Variants in LCOR observed in about 807,000 individuals in gnomAD.
LCOR encodes the protein ligand dependent nuclear receptor corepressor, also known as ligand-dependent corepressor.
In LCOR, 14 loss-of-function variants were observed where a neutral mutation model predicts 64.4. The ratio of observed to expected loss-of-function variants is 0.22; its 90% confidence interval spans 0.14 to 0.34. The LOEUF (loss-of-function observed/expected upper bound fraction) is 0.34. Ranked by LOEUF, LCOR falls within the 10% of genes least tolerant of loss-of-function variation. LCOR has a pLI of 1.00. For synonymous variants in LCOR, 643 were observed against 642.5 expected, an observed-to-expected ratio of 1.00 and a Z score of -0.01; for missense variants, 1,686 against 1,765.3, an observed-to-expected ratio of 0.96 and a Z score of 0.80.
intron 2 of LCOR, among the ~76,000 whole-genome samples, chr10:96,869,749 A>G (rs1003475706): frequency 3.4e-4 from 52 of 151,504 alleles, no homozygotes; most frequent in Admixed American, 2.4e-3. Context: ...TATTTTTTGT[A>G]TTTTTAGTAG....
intron 5 of LCOR, among the ~76,000 whole-genome samples, chr10:96,945,679 T>C (rs1221861461): frequency 6.6e-6 from 1 of 152,172 alleles, no homozygotes; most frequent in African/African-American, 2.4e-5. Flanking sequence ...TCTTTACAGC[T>C]CCTCTCCTGA....
chr10:96,876,298 T>C (rs1345241758), intron 2 of LCOR, among the ~76,000 whole-genome samples: 2 of 152,172 alleles, frequency 1.3e-5, no homozygotes, highest in Non-Finnish European at 2.9e-5. Context: ...CCTATTCCCA[T>C]CATGGGGACC....
At chr10:96,889,316 T>C (rs1319740877) in intron 2 of LCOR, among the ~76,000 whole-genome samples, 1 of 152,256 alleles carries the variant, frequency 6.6e-6, no homozygotes, top group Non-Finnish European at 1.5e-5. Context: ...TATTCATTCA[T>C]GTTGTCAGCT....
intron 4 of LCOR, among the ~76,000 whole-genome samples, chr10:96,914,911 A>G (rs1378759287): frequency 6.6e-6 from 1 of 152,204 alleles, no homozygotes; most frequent in Non-Finnish European, 1.5e-5. Context: ...GTAACCAATT[A>G]TTGGGGGTCA....
At chr10:96,849,053 C>T (rs1589603718) in intron 2 of LCOR, among the ~76,000 whole-genome samples, 2 of 80,630 alleles carry the variant, frequency 2.5e-5, no homozygotes, top group Admixed American at 1.4e-4. Flanking sequence ...TGTCACCTGG[C>T]TAATTGTCTT....
rs749676837 is a variant in LCOR, at chr10:96,866,421, C to T, written c.-330+32942C>T. Among the ~76,000 whole-genome samples the T allele has an allele frequency of 6.6e-5, 10 of 152,190 alleles. No homozygotes were observed. The East Asian group carries it at 9.6e-4, about 15-fold the overall frequency. On this transcript the variant is annotated intron_variant, in intron 2 of 7. Coordinates refer to ENST00000421806, the MANE Select transcript of LCOR (RefSeq NM_001346516.2). ...TCCATTCTTTTGCTGATGAGCATTT[C>T]GGTTGTTTGGGGGCTGTTATAAATA...
At chr10:96,975,361 G>A (rs1197244939) in intron 7 of LCOR, among the ~76,000 whole-genome samples, 3 of 151,988 alleles carry the variant, frequency 2.0e-5, no homozygotes, top group African/African-American at 7.2e-5. Context: ...CTCTCAGATC[G>A]AAGGGAAGCT....
chr10:96,913,331 T>TTACA (rs1846878955), intron 4 of LCOR, among the ~76,000 whole-genome samples: 1 of 152,196 alleles, frequency 6.6e-6, no homozygotes, highest in Non-Finnish European at 1.5e-5. Context: ...ACAGATATGT[T>TTACA]GATAGTATGA....
chr10:96,984,585 T>C lies in LCOR; in HGVS notation c.4125T>C (p.Thr1375=), dbSNP rs767117888. The C allele has an allele frequency of 6.2e-7, 1 of 1,614,020 alleles. No homozygotes were observed. ...ADGFPVKPKS[T]EGMKGRKGKQ... The stretch of plus-strand genomic sequence containing the variant: ...GGTTTCCTGTTAAGCCCAAGAGTAC[T>C]GAAGGAATGAAGGGAAGGAAGGGGA... The change falls in exon 8 of 8, where the codon ACT becomes ACC. Residue 1375 remains threonine (T), a synonymous_variant. Transcript: ENST00000421806.
intron 2 of LCOR, among the ~76,000 whole-genome samples, chr10:96,861,487 C>T (rs1845886840): frequency 6.6e-6 from 1 of 152,116 alleles, no homozygotes; most frequent in Non-Finnish European, 1.5e-5. Flanking sequence ...TTTCCCCCAC[C>T]AATAAGCAGG....
In LCOR at chr10:96,980,968, G is replaced by A. The variant is rs1181559661; in HGVS notation, c.508G>A (p.Ala170Thr). 4 of 702,894 alleles carry A rather than the reference G, an allele frequency of 5.7e-6. No individual in the cohort carries two copies. In the East Asian group the frequency reaches 1.1e-4, roughly 19 times the overall value. The allele number at this position is 702,894 out of a possible 1,614,324, so 43.5% of individuals were successfully genotyped here. A position where few individuals can be genotyped will look rare whatever the true frequency, so the allele number is the denominator to read the frequency against. ...TEDLQPSDSG[A>T]MDVSTCNAGC... ...GGACCTGCAGCCTTCTGATTCGGGA[G>A]CAATGGATGTATCCACTTGCAATGC... The change falls in exon 8 of 8, where the codon GCA becomes ACA. Residue 170 changes from alanine to threonine, a missense_variant. By Grantham distance (58) the Ala-to-Thr change is moderately conservative. Transcript: ENST00000421806.
intron 2 of LCOR, among the ~76,000 whole-genome samples, chr10:96,890,433 A>G (rs1172236899): frequency 6.6e-6 from 1 of 151,972 alleles, no homozygotes; most frequent in Non-Finnish European, 1.5e-5. Context: ...ACCTTGCTGA[A>G]CCTGTTTATT....
intron 2 of LCOR, among the ~76,000 whole-genome samples, chr10:96,886,168 G>A (rs773245203): frequency 4.1e-4 from 62 of 152,086 alleles, no homozygotes; most frequent in Non-Finnish European, 6.8e-4. Flanking sequence ...ATGAGCCACC[G>A]TACCTGGCTA....
intron 5 of LCOR, among the ~76,000 whole-genome samples, chr10:96,948,605 A>G (rs962298588): frequency 1.3e-5 from 2 of 152,216 alleles, no homozygotes; most frequent in Non-Finnish European, 2.9e-5. Flanking sequence ...TCAGTAATGC[A>G]TTCTTCAAAT....
intron 2 of LCOR, among the ~76,000 whole-genome samples, chr10:96,837,551 G>T (rs1225260600): frequency 6.6e-6 from 1 of 152,132 alleles, no homozygotes; most frequent in South Asian, 2.1e-4. Context: ...CACCGTGCCC[G>T]GCCGACAGAT....
At chr10:96,896,616 G>GT (rs1239541088) in intron 2 of LCOR, among the ~76,000 whole-genome samples, 1 of 151,962 alleles carries the variant, frequency 6.6e-6, no homozygotes. Context: ...TAGAGATGGG[G>GT]TTTTACCATG....
chr10:96,943,376 C>T (rs1412838488), intron 4 of LCOR, among the ~76,000 whole-genome samples: 1 of 152,234 alleles, frequency 6.6e-6, no homozygotes, highest in African/African-American at 2.4e-5. Flanking sequence ...GGATTACAGG[C>T]ATGAGCCACC....
intron 2 of LCOR, among the ~76,000 whole-genome samples, chr10:96,866,223 T>C (rs1310512075): frequency 6.6e-6 from 1 of 152,228 alleles, no homozygotes; most frequent in Non-Finnish European, 1.5e-5. Flanking sequence ...GTACACCCGT[T>C]ACATGATCAA....
chr10:96,848,367 C>T (rs1157584872), intron 2 of LCOR, among the ~76,000 whole-genome samples: 9 of 152,108 alleles, frequency 5.9e-5, no homozygotes, highest in South Asian at 2.1e-4. Context: ...CTTTAAAAAC[C>T]GGATGCTGGG....
Sources: gnomAD v4.1 joint callset for allele counts (sites outside exome capture counted in the v4.1 genomes callset) on GRCh38, gnomAD v4.1.1 for gene constraint, MANE v1.5 for transcripts, NCBI Gene and HGNC (gene_info 2026-07-23, HGNC 2026-07-21) for gene names.